GRB14: variants seen among roughly 807,000 people sequenced by gnomAD.
GRB14 encodes the protein growth factor receptor-bound protein 14.
In GRB14, 38 loss-of-function variants were observed where a neutral mutation model predicts 69.1. The observed-to-expected ratio is 0.55, with a 90% CI of 0.42 to 0.72. The LOEUF (loss-of-function observed/expected upper bound fraction) is 0.72. Among genes scored for constraint, GRB14 ranks in the 30% least tolerant of loss-of-function variants. The pLI, the probability that GRB14 is intolerant of heterozygous loss-of-function variation, is 0.00. For missense variants in GRB14, 666 were observed against 666.1 expected (o/e 1.00, Z 0.00); for synonymous variants, 247 against 241.3 (o/e 1.02, Z -0.22).
At chr2:164,532,724 C>T (rs897764638) in intron 3 of GRB14, among the ~76,000 whole-genome samples, 2 of 152,270 alleles carry the variant, frequency 1.3e-5, no homozygotes, top group Middle Eastern at 3.4e-3. Flanking sequence ...AAGAATGTGA[C>T]TCTCCAGAAC....
At position 164,492,969 on chromosome 2, in the gene GRB14, T is replaced by G; in HGVS notation, c.*67A>C. On this transcript the variant is annotated 3_prime_UTR_variant, in exon 14 of 14. Coordinates refer to ENST00000263915, the MANE Select transcript of GRB14 (RefSeq NM_004490.3). ...ACATGGTAATGTTTTCGCCCTTATT[T>G]ATGGTCTTTTATTATTTTTCTTGAG... The G allele has an allele frequency of 7.0e-7, 1 of 1,436,234 alleles. No individual in the cohort carries two copies. The highest frequency in any genetic ancestry group is 9.4e-7 in the Non-Finnish European group (1 of 1,059,308). The allele number at this position is 1,436,234 out of a possible 1,614,324, so 89.0% of individuals were successfully genotyped here. A position where few individuals can be genotyped will look rare whatever the true frequency, so the allele number is the denominator to read the frequency against.
chr2:164,589,271 C>A (rs1180503814), intron 2 of GRB14, among the ~76,000 whole-genome samples: 2 of 152,116 alleles, frequency 1.3e-5, no homozygotes, highest in Admixed American at 1.3e-4. Flanking sequence ...CTTTATTTAT[C>A]CTTTTACAAA....
intron 2 of GRB14, among the ~76,000 whole-genome samples, chr2:164,616,669 C>T (rs1690306646): frequency 6.6e-6 from 1 of 152,028 alleles, no homozygotes; most frequent in Non-Finnish European, 1.5e-5. Flanking sequence ...TTTTGAAAGG[C>T]CAGATGAAAT....
At chr2:164,572,823 G>C (rs2105331682) in intron 2 of GRB14, among the ~76,000 whole-genome samples, 1 of 152,220 alleles carries the variant, frequency 6.6e-6, no homozygotes, top group South Asian at 2.1e-4. Context: ...AGAAAAAAAA[G>C]CAATAAGGAG....
chr2:164,556,471 CA>C (rs1688680185), intron 2 of GRB14, among the ~76,000 whole-genome samples: 2 of 152,298 alleles, frequency 1.3e-5, no homozygotes, highest in Admixed American at 6.5e-5. Flanking sequence ...AGGATTGACA[CA>C]AACAGGTTTA....
At chr2:164,564,176 T>C (rs1318371662) in intron 2 of GRB14, among the ~76,000 whole-genome samples, 1 of 152,184 alleles carries the variant, frequency 6.6e-6, no homozygotes, top group Non-Finnish European at 1.5e-5. Flanking sequence ...AGCCTGGTGT[T>C]GTCTATAGGC....
At chr2:164,523,583 T>C (rs867342752) in intron 5 of GRB14, among the ~76,000 whole-genome samples, 24 of 152,246 alleles carry the variant, frequency 1.6e-4, no homozygotes, top group African/African-American at 5.3e-4. Context: ...AGAAATTTAA[T>C]TTAATGAGCC....
At chr2:164,593,596 G>A (rs1332736403) in intron 2 of GRB14, among the ~76,000 whole-genome samples, 2 of 152,104 alleles carry the variant, frequency 1.3e-5, no homozygotes, top group African/African-American at 2.4e-5. Context: ...AGAGGAAAAG[G>A]AAGAAATCAT....
chr2:164,596,838 C>T (rs1042029294), intron 2 of GRB14, among the ~76,000 whole-genome samples: 3 of 151,936 alleles, frequency 2.0e-5, no homozygotes, highest in African/African-American at 7.3e-5. Flanking sequence ...AAGCTGGAAC[C>T]GTCACTCACT....
chr2:164,593,930 C>T (rs886642770), intron 2 of GRB14, among the ~76,000 whole-genome samples: 11 of 152,102 alleles, frequency 7.2e-5, no homozygotes, highest in Non-Finnish European at 1.0e-4. Context: ...CAATTATTAA[C>T]TACAGGAAAA....
At chr2:164,571,653 C>T (rs1329416736) in intron 2 of GRB14, among the ~76,000 whole-genome samples, 1 of 152,094 alleles carries the variant, frequency 6.6e-6, no homozygotes, top group Non-Finnish European at 1.5e-5. Flanking sequence ...AGGCACTGAG[C>T]TAGTTTTCAC....
chr2:164,613,789 T>C lies in GRB14; in HGVS notation c.324+5898A>G, dbSNP rs141861143. ...AGGCTGGTTCATTTGAGGCTCTGTT[T>C]TGTCTGAACAATCAATACCTGGCTA... On this transcript the variant is annotated intron_variant, in intron 2 of 13. Coordinates refer to ENST00000263915, the MANE Select transcript of GRB14 (RefSeq NM_004490.3). 1.0e-3 allele frequency among the ~76,000 whole-genome samples: 155 copies of C among 152,300 alleles called. 1 individual carries two copies. The highest frequency in any genetic ancestry group is 3.7e-3 in the African/African-American group (153 of 41,556).
intron 3 of GRB14, among the ~76,000 whole-genome samples, chr2:164,539,381 G>A (rs562241248): frequency 1.6e-4 from 24 of 151,880 alleles, no homozygotes; most frequent in East Asian, 7.8e-4. Context: ...AGTCTGAGGC[G>A]CAAGAATCAC....
At chr2:164,605,070 C>T (rs766982493) in intron 2 of GRB14, among the ~76,000 whole-genome samples, 1 of 152,154 alleles carries the variant, frequency 6.6e-6, no homozygotes, top group Non-Finnish European at 1.5e-5. Flanking sequence ...TGTAAGCATA[C>T]AACACCTCTA....
chr2:164,584,785 T>G (rs982009706), intron 2 of GRB14, among the ~76,000 whole-genome samples: 2 of 152,178 alleles, frequency 1.3e-5, no homozygotes, highest in Non-Finnish European at 2.9e-5. Flanking sequence ...CTACTCTTTC[T>G]TATATTTATC....
chr2:164,528,785 T>G (rs1559036218), intron 3 of GRB14, among the ~76,000 whole-genome samples: 1 of 152,152 alleles, frequency 6.6e-6, no homozygotes, highest in Non-Finnish European at 1.5e-5. Flanking sequence ...CTATAATTGT[T>G]CTCACCCATG....
Position 164,569,537 on chromosome 2 carries a change from T to C in GRB14, c.325-21721A>G, listed in dbSNP as rs138729738. Among the ~76,000 whole-genome samples the C allele has an allele frequency of 4.6e-5, 7 of 152,336 alleles. No homozygotes were observed. The East Asian group carries it at 1.3e-3, about 29-fold the overall frequency. On this transcript the variant is annotated intron_variant, in intron 2 of 13. Coordinates refer to ENST00000263915, the MANE Select transcript of GRB14 (RefSeq NM_004490.3). The stretch of plus-strand genomic sequence containing the variant: ...TTTCCAGATTACAATGTGGTTGTTG[T>C]AGTAACAAGGCAAAATGGAAGATAC...
chr2:164,554,375 C>T (rs1196439978), intron 2 of GRB14, among the ~76,000 whole-genome samples: 1 of 152,078 alleles, frequency 6.6e-6, no homozygotes, highest in South Asian at 2.1e-4. Context: ...AATTTATTTA[C>T]AAGATCTTTT....
At chr2:164,539,637 T>C (rs1688181505) in intron 3 of GRB14, 1 of 152,164 alleles carries the variant, frequency 6.6e-6, no homozygotes, top group South Asian at 2.1e-4. Context: ...GAAGCAACGA[T>C]AGTAGCATAT....
Sources: allele counts gnomAD v4.1 joint callset (sites outside exome capture counted in the v4.1 genomes callset), GRCh38; gene constraint gnomAD v4.1.1; transcripts MANE v1.5; gene names NCBI Gene and HGNC (gene_info 2026-07-23, HGNC 2026-07-21).